CACNA1S: variants seen among roughly 807,000 people sequenced by gnomAD.
The protein encoded by CACNA1S is voltage-dependent L-type calcium channel subunit alpha-1S.
A neutral mutation model predicts 207.4 loss-of-function variants in CACNA1S; 126 were observed. The observed-to-expected ratio is 0.61, with a 90% confidence interval of 0.53 to 0.70. The LOEUF (loss-of-function observed/expected upper bound fraction) is 0.70. CACNA1S is among the 30% of genes least tolerant of loss of function. The pLI, the probability that CACNA1S is intolerant of heterozygous loss-of-function variation, is 0.00. For missense variants in CACNA1S, 2,349 were observed against 2,422.8 expected, an observed-to-expected ratio of 0.97 and a Z score of 0.64; for synonymous variants, 960 against 932.7, an observed-to-expected ratio of 1.03 and a Z score of -0.53.
At chr1:201,105,179 A>G (rs1318940792) in intron 2 of CACNA1S, among the ~76,000 whole-genome samples, 4 of 152,220 alleles carry the variant, frequency 2.6e-5, no homozygotes, top group Non-Finnish European at 5.9e-5. Flanking sequence ...GGGCAGGGTG[A>G]AGAGGAATTC....
In CACNA1S at chr1:201,044,373, C is replaced by T. The variant is rs763069723; in HGVS notation, c.4752G>A (p.Leu1584=). 1.8e-4 allele frequency: 285 copies of T among 1,613,710 alleles called. 1 individual carries two copies. Among genetic ancestry groups the T allele is most frequent in the Non-Finnish European group, 2.4e-4 (281 of 1,179,920 alleles). ...VSGDLAAEEE[L]ERAMVEAAME... ...TCGCAGCCTCCACCATGGCTCTCTC[C>T]AGCTCCTCCTCAGCAGCCAGGTCTC... The change falls in exon 39 of 44, where the codon CTG becomes CTA. Residue 1584 remains leucine, a synonymous_variant. Coordinates refer to ENST00000362061, the MANE Select transcript of CACNA1S (RefSeq NM_000069.3).
Position 201,085,465 on chromosome 1 carries a change from T to A in CACNA1S, c.1121A>T (p.Glu374Val). 6.2e-7 allele frequency: 1 copy of A among 1,612,948 alleles called. No homozygotes were observed. Among genetic ancestry groups the A allele is most frequent in the African/African-American group, 1.3e-5 (1 of 74,598 alleles). Residue 374 changes from glutamate to valine, a missense_variant, in exon 8 of 44, where the codon GAG (glutamate) becomes GTG (valine). By Grantham distance (121) the Glu-to-Val change is moderately radical. Transcript: ENST00000362061. ...TCTGAAGTCCTCAACATCCATGACC[T>A]CGCCCTGCGTGATCCAGCTCATGTA... ...RGYMSWITQG[E>V]VMDVEDFREG...
intron 22 of CACNA1S, among the ~76,000 whole-genome samples, chr1:201,064,143 C>A (rs959057730): frequency 2.6e-5 from 4 of 152,144 alleles, no homozygotes; most frequent in African/African-American, 9.7e-5. Flanking sequence ...CTTCAGGGAG[C>A]GTGTCTGGTG....
Position 201,055,928 on chromosome 1 carries a change from G to A in CACNA1S, c.3610-1367C>T, listed in dbSNP as rs146329303. On this transcript the variant is annotated intron_variant, in intron 28 of 43. Transcript: ENST00000362061. The stretch of plus-strand genomic sequence containing the variant: ...TTTTTAGTTTGGGCTGTTTATTTTG[G>A]CTGTTTAGATTTCTCTGTTCTGGCT... 4.5e-3 allele frequency among the ~76,000 whole-genome samples: 678 copies of A among 152,214 alleles called. 2 individuals carry two copies. The highest frequency in any genetic ancestry group is 0.02 in the Middle Eastern group (6 of 294).
At chr1:201,098,249 G>A (rs1173456873) in intron 2 of CACNA1S, among the ~76,000 whole-genome samples, 1 of 152,184 alleles carries the variant, frequency 6.6e-6, no homozygotes. Flanking sequence ...GCTGCTAGAG[G>A]TGCAGGCTGT....
Position 201,091,632 on chromosome 1 carries a change from G to A in CACNA1S, c.694+8C>T. On this transcript the variant is annotated splice_region_variant and intron_variant, in intron 5 of 43. Coordinates refer to ENST00000362061, the MANE Select transcript of CACNA1S (RefSeq NM_000069.3). ...TGCCCCACAGCCCCACTTTCCCTGG[G>A]AGCTCACCTGTACCAATGAAGTAGC... is the stretch of plus-strand genomic sequence containing the variant. 6.2e-7 allele frequency: 1 copy of A among 1,614,172 alleles called. No individual in the cohort carries two copies. The highest frequency in any genetic ancestry group is 8.5e-7 in the Non-Finnish European group (1 of 1,180,014).
intron 7 of CACNA1S, 30 bp downstream of exon 7, chr1:201,087,796 T>C: frequency 6.8e-7 from 1 of 1,465,876 alleles, no homozygotes; most frequent in Non-Finnish European, 9.6e-7. Flanking sequence ...TCTTTCTCTT[T>C]TCTCCCCTGG....
chr1:201,077,178 G>A, intron 11 of CACNA1S, 51 bp from the exon 12 acceptor site: 1 of 1,501,084 alleles, frequency 6.7e-7, no homozygotes, highest in Non-Finnish European at 9.3e-7. Context: ...TCTCACTGGG[G>A]CCCACGAGGT....
intron 41 of CACNA1S, 93 bp downstream of exon 41, chr1:201,041,411 C>T (rs1660193724): frequency 1.0e-6 from 1 of 977,554 alleles, no homozygotes; most frequent in Non-Finnish European, 1.6e-6. Flanking sequence ...CCAGCCCTCC[C>T]AGCCAAGTTC....
chr1:201,048,608 C>T lies in CACNA1S; in HGVS notation c.4415G>A (p.Arg1472His), dbSNP rs201463541. The T allele has an allele frequency of 1.1e-5, 18 of 1,613,542 alleles. No homozygotes were observed. In the East Asian group the frequency reaches 1.3e-4, roughly 12 times the overall value. Residue 1472 changes from arginine to histidine, a missense_variant, in exon 36 of 44, where the codon CGC (arginine) becomes CAC (histidine). Transcript: ENST00000362061. The stretch of plus-strand genomic sequence containing the variant: ...TTCCGTCTTGATCTTGAGTGCCGTG[C>T]GGACCAGGGCAAAGAGTGTGGCATT... The part of the protein sequence containing the change: ...TFNATLFALV[R>H]TALKIKTEGN...
At chr1:201,089,563 G>T in intron 5 of CACNA1S, 100 bp from the exon 6 acceptor site, 1 of 1,183,542 alleles carries the variant, frequency 8.4e-7, no homozygotes, top group Non-Finnish European at 1.2e-6. Flanking sequence ...TGAGCAGTAA[G>T]TCTAAAGACA....
intron 2 of CACNA1S, among the ~76,000 whole-genome samples, chr1:201,097,447 C>A (rs1662476825): frequency 7.6e-6 from 1 of 131,342 alleles, no homozygotes; most frequent in Non-Finnish European, 1.8e-5. Flanking sequence ...CAGCCTCCAC[C>A]TTTGCTCATC....
chr1:201,086,668 C>T (rs917610396), intron 7 of CACNA1S, among the ~76,000 whole-genome samples: 1 of 152,264 alleles, frequency 6.6e-6, no homozygotes, highest in Non-Finnish European at 1.5e-5. Flanking sequence ...GAAATGTCAT[C>T]ATGCAGCACA....
intron 9 of CACNA1S, among the ~76,000 whole-genome samples, 189 bp from the exon 10 acceptor site, chr1:201,083,511 C>T (rs987457906): frequency 1.1e-4 from 17 of 152,156 alleles, no homozygotes; most frequent in African/African-American, 4.1e-4. Flanking sequence ...CACAGAAGAG[C>T]GATAATGACA....
intron 22 of CACNA1S, among the ~76,000 whole-genome samples, chr1:201,064,284 C>G (rs1039043867): frequency 2.0e-5 from 3 of 152,168 alleles, no homozygotes; most frequent in African/African-American, 7.2e-5. Flanking sequence ...AGGTGGACAG[C>G]CCTCAGTTGG....
At position 201,043,382 on chromosome 1, in the gene CACNA1S, T is replaced by C. The variant is rs1227754596; in HGVS notation, c.4947A>G (p.Gln1649=). The change falls in exon 40 of 44, where the codon CAA becomes CAG. Residue 1649 remains glutamine (Q), a synonymous_variant. Transcript: ENST00000362061. Reference sequence around the variant, plus strand: ...GAGCCAGGGGGTTGGTGCGTGGATCTTGTGGGAAGTCCTCCAAGAAGACAG... The same window carrying C: ...GAGCCAGGGGGTTGGTGCGTGGATCCTGTGGGAAGTCCTCCAAGAAGACAG... ...ESPVFLEDFP[Q]DPRTNPLARA... is the part of the protein sequence containing the mutation. The C allele has an allele frequency of 6.2e-7, 1 of 1,614,062 alleles. No individual in the cohort carries two copies. Among genetic ancestry groups the C allele is most frequent in the Non-Finnish European group, 8.5e-7 (1 of 1,180,034 alleles).
chr1:201,068,600 A>T (rs189098783), intron 19 of CACNA1S, among the ~76,000 whole-genome samples: 7 of 148,340 alleles, frequency 4.7e-5, no homozygotes, highest in Admixed American at 3.4e-4. Flanking sequence ...TCGCTGGGCG[A>T]GGTGGCTCAT....
At chr1:201,089,531 T>C (rs1662156818) in intron 5 of CACNA1S, 68 bp from the exon 6 acceptor site, 11 of 1,469,588 alleles carry the variant, frequency 7.5e-6, no homozygotes, top group African/African-American at 1.4e-5. Flanking sequence ...AGGAAAGGTG[T>C]ATAAGAGCAA....
rs150039999 is a variant in CACNA1S at position 201,081,832 on chromosome 1, C to T, written c.1393+1330G>A. Among the ~76,000 whole-genome samples, 223 of 152,180 alleles carry T rather than the reference C, an allele frequency of 1.5e-3. 1 individual carries two copies. Among genetic ancestry groups the T allele is most frequent in the African/African-American group, 5.3e-3 (219 of 41,500 alleles). The stretch of plus-strand genomic sequence containing the variant: ...TCATTTAAAAGTGTGTGGCACCTCC[C>T]CTCCCACTCTTTCTCTCTCTTGCTC... On this transcript the variant is annotated intron_variant, in intron 10 of 43. Transcript: ENST00000362061.
Sources: gnomAD v4.1 joint callset for allele counts (sites outside exome capture counted in the v4.1 genomes callset) on GRCh38, gnomAD v4.1.1 for gene constraint, MANE v1.5 for transcripts, NCBI Gene and HGNC (gene_info 2026-07-23, HGNC 2026-07-21) for gene names.